Variants in MPDZ observed in about 807,000 individuals in gnomAD.
The protein encoded by MPDZ is multiple PDZ domain protein.
MPDZ carries 234 observed loss-of-function variants against 239.1 expected under a neutral mutation model. The observed-to-expected ratio is 0.98, with a 90% CI of 0.88 to 1.09. The LOEUF is 1.09. Among genes scored for constraint, MPDZ ranks in the 50% least tolerant of loss-of-function variants. The probability of loss-of-function intolerance (pLI) is 0.00; values close to 1 mark genes in which losing one functional copy is unlikely to be tolerated. For synonymous variants in MPDZ, 1,048 were observed against 881.3 expected (o/e 1.19, Z -3.35); for missense variants, 3,175 against 2,510.0 (o/e 1.26, Z -5.66).
At chr9:13,175,262 G>C (rs1952309695) in intron 21 of MPDZ, among the ~76,000 whole-genome samples, 1 of 152,096 alleles carries the variant, frequency 6.6e-6, no homozygotes, top group African/African-American at 2.4e-5. Flanking sequence ...CTGCCACCTG[G>C]GAAGTCCTAC....
chr9:13,176,591 A>C (rs1389921318), intron 19 of MPDZ, among the ~76,000 whole-genome samples, 174 bp from the exon 20 acceptor site: 1 of 152,214 alleles, frequency 6.6e-6, no homozygotes. Flanking sequence ...TTTTCTGCAT[A>C]TCTTTATTTT....
At chr9:13,179,220 A>G (rs1952943077) in intron 19 of MPDZ, among the ~76,000 whole-genome samples, 1 of 152,162 alleles carries the variant, frequency 6.6e-6, no homozygotes. Flanking sequence ...TCTAAACAAT[A>G]ACCTGTTGGC....
intron 3 of MPDZ, among the ~76,000 whole-genome samples, chr9:13,236,215 G>GTGTGTATATGTATA (rs1963906343): frequency 9.6e-6 from 1 of 104,440 alleles, no homozygotes; most frequent in Non-Finnish European, 1.9e-5. Flanking sequence ...GTGTGTGTGT[G>GTGTGTATATGTATA]TGTGTGTGTG....
intron 3 of MPDZ, among the ~76,000 whole-genome samples, chr9:13,232,790 G>A (rs909164955): frequency 6.7e-6 from 1 of 148,318 alleles, no homozygotes; most frequent in African/African-American, 2.5e-5. Context: ...CAGCAAAGAA[G>A]TTGTATTCAG....
At chr9:13,168,150 A>G (rs1951311582) in intron 22 of MPDZ, among the ~76,000 whole-genome samples, 1 of 152,132 alleles carries the variant, frequency 6.6e-6, no homozygotes, top group Admixed American at 6.6e-5. Context: ...TAAAAATACA[A>G]AGCAACGTTT....
chr9:13,215,087 C>T (rs937572241), intron 10 of MPDZ, among the ~76,000 whole-genome samples: 4 of 151,900 alleles, frequency 2.6e-5, no homozygotes, highest in African/African-American at 9.7e-5. Flanking sequence ...TTTCATCTTG[C>T]AGAACTGCAG....
chr9:13,228,918 G>T (rs942908342), intron 3 of MPDZ, among the ~76,000 whole-genome samples: 13 of 152,046 alleles, frequency 8.6e-5, no homozygotes, highest in African/African-American at 2.9e-4. Flanking sequence ...ACATTTAGCT[G>T]GTACAAGCTA....
At chr9:13,207,819 G>A (rs1040207459) in intron 10 of MPDZ, among the ~76,000 whole-genome samples, 1 of 152,128 alleles carries the variant, frequency 6.6e-6, no homozygotes, top group African/African-American at 2.4e-5. Flanking sequence ...AGAGCCATTG[G>A]CTCATAGGTC....
chr9:13,121,282 T>A (rs762796796), intron 38 of MPDZ, among the ~76,000 whole-genome samples: 9 of 152,126 alleles, frequency 5.9e-5, no homozygotes, highest in Non-Finnish European at 1.3e-4. Context: ...TTCTTGGAAA[T>A]TTTCCCTAAT....
intron 23 of MPDZ, among the ~76,000 whole-genome samples, chr9:13,159,707 T>C (rs1950238145): frequency 6.6e-6 from 1 of 152,160 alleles, no homozygotes; most frequent in African/African-American, 2.4e-5. Flanking sequence ...GCATCTTGCT[T>C]CTTCCTTTTT....
At chr9:13,173,720 A>G (rs1180820872) in intron 21 of MPDZ, among the ~76,000 whole-genome samples, 5 of 151,938 alleles carry the variant, frequency 3.3e-5, no homozygotes, top group African/African-American at 1.2e-4. Flanking sequence ...AAAAAAAAAA[A>G]TTGGTAAGCA....
chr9:13,215,927 C>T (rs1186338606), intron 10 of MPDZ, among the ~76,000 whole-genome samples: 1 of 148,034 alleles, frequency 6.8e-6, no homozygotes, highest in East Asian at 2.0e-4. Flanking sequence ...AACATCATGC[C>T]CAGCAATTCA....
chr9:13,117,006 T>C (rs1415596189), intron 39 of MPDZ, among the ~76,000 whole-genome samples: 1 of 152,150 alleles, frequency 6.6e-6, no homozygotes, highest in Non-Finnish European at 1.5e-5. Flanking sequence ...ACACTATGGA[T>C]AGTGCTGAAC....
rs1972090008 is a variant in MPDZ at position 13,267,760 on chromosome 9, G to A, written c.-58+11640C>T. ...AGCTGAAAGGGAGAAGGGATGGAAA[G>A]ATGGAATGGCACTGAGATGATTTGG... On this transcript the variant is annotated intron_variant, in intron 1 of 46. Transcript: ENST00000319217. Among the ~76,000 whole-genome samples, 3 of 152,208 alleles carry A rather than the reference G, an allele frequency of 2.0e-5. 1 individual carries two copies. Among genetic ancestry groups the A allele is most frequent in the Admixed American group, 2.0e-4 (3 of 15,286 alleles).
intron 8 of MPDZ, among the ~76,000 whole-genome samples, chr9:13,219,165 G>A (rs1028059730): frequency 1.3e-5 from 2 of 151,784 alleles, no homozygotes; most frequent in Non-Finnish European, 2.9e-5. Context: ...ATACTAATGG[G>A]AAAGTTGATG....
intron 18 of MPDZ, among the ~76,000 whole-genome samples, chr9:13,185,776 C>T (rs548996247): frequency 1.3e-5 from 2 of 152,130 alleles, no homozygotes; most frequent in South Asian, 4.2e-4. Flanking sequence ...AATCAGTATA[C>T]TTACATATAT....
intron 30 of MPDZ, 141 bp from the exon 31 acceptor site, chr9:13,136,323 T>TTTTTTTTTTG (rs1946753313): frequency 2.3e-6 from 1 of 432,044 alleles, no homozygotes; most frequent in Non-Finnish European, 3.9e-6. Context: ...TACAAACGTT[T>TTTTTTTTTTG]TCTTTTTTTT....
At chr9:13,155,943 C>T in intron 24 of MPDZ, among the ~76,000 whole-genome samples, 1 of 152,076 alleles carries the variant, frequency 6.6e-6, no homozygotes, top group Middle Eastern at 3.2e-3. Context: ...TTGTTAGCAC[C>T]TTTAGAGCTA....
chr9:13,139,081 C>T (rs1196041666), intron 28 of MPDZ, among the ~76,000 whole-genome samples: 1 of 152,182 alleles, frequency 6.6e-6, no homozygotes, highest in East Asian at 1.9e-4. Context: ...AAACTACAAA[C>T]TTTACCAGTC....
Sources: allele counts gnomAD v4.1 joint callset (sites outside exome capture counted in the v4.1 genomes callset), GRCh38; gene constraint gnomAD v4.1.1; transcripts MANE v1.5; gene names NCBI Gene and HGNC (gene_info 2026-07-23, HGNC 2026-07-21).